Variants in TARS2 observed in about 807,000 individuals in gnomAD.
The protein encoded by TARS2 is threonyl-tRNA synthetase 2, mitochondrial.
TARS2 carries 61 observed loss-of-function variants against 94.4 expected under a neutral mutation model. That is an observed-to-expected ratio of 0.65 (90% confidence interval 0.53 to 0.80). The LOEUF (loss-of-function observed/expected upper bound fraction) is 0.80, where lower values mean the gene tolerates loss of function less well. Among genes scored for constraint, TARS2 ranks in the 30% least tolerant of loss-of-function variants. The pLI, the probability that TARS2 is intolerant of heterozygous loss-of-function variation, is 0.00. For synonymous variants in TARS2, 359 were observed against 353.4 expected, an observed-to-expected ratio of 1.02 and a Z score of -0.18; for missense variants, 704 against 902.5, an observed-to-expected ratio of 0.78 and a Z score of 2.82.
Position 150,504,614 on chromosome 1 carries a change from C to CG in TARS2, c.1719-18_1719-17insG. The CG allele has an allele frequency of 6.2e-7, 1 of 1,612,448 alleles. No homozygotes were observed. Among genetic ancestry groups the CG allele is most frequent in the Non-Finnish European group, 8.5e-7 (1 of 1,178,730 alleles). ...ATACTTCCACCATTCCATCCACCCC[C>CG]CCCTTTTTCCTTTCAAGGCAGGCGG... On this transcript the variant is annotated splice_polypyrimidine_tract_variant and intron_variant, in intron 14 of 17. Transcript: ENST00000369064.
In TARS2 at chr1:150,505,606, C is replaced by T. The variant is rs774442847; in HGVS notation, c.1909C>T (p.Arg637Trp). ...EYAKEAQQSL[R>W]AAGLVSDLDA... is the part of the protein sequence containing the mutation. ...TCTGTTGCAGGCACAGCAGAGCCTGCGGGCTGCAGGACTGGTCAGTGACCT... is the reference window on the plus strand; with the variant it reads ...TCTGTTGCAGGCACAGCAGAGCCTGTGGGCTGCAGGACTGGTCAGTGACCT... The change falls in exon 17 of 18, where the codon CGG becomes TGG. Residue 637 changes from arginine to tryptophan, a missense_variant. Arg to Trp is a moderately radical substitution (Grantham distance 101). Coordinates refer to ENST00000369064, the MANE Select transcript of TARS2 (RefSeq NM_025150.5). The T allele has an allele frequency of 1.2e-5, 20 of 1,613,880 alleles. No homozygotes were observed. In the African/African-American group the frequency reaches 1.7e-4, roughly 14 times the overall value.
chr1:150,499,404 C>T (rs1669813297), intron 13 of TARS2, 111 bp downstream of exon 13: 1 of 1,024,682 alleles, frequency 9.8e-7, no homozygotes, highest in Non-Finnish European at 1.4e-6. Flanking sequence ...CACTCTGTCA[C>T]CCAGGCTAAA....
chr1:150,497,715 C>A lies in TARS2; in HGVS notation c.1206C>A (p.Leu402=). ...DDSTRHITDT[L]ALKPMNCPAH... ...CTACCAGGCATATCACAGATACACT[C>A]GCCCTCAAGCCTATGAACTGCCCTG... Residue 402 remains leucine, a synonymous_variant, in exon 10 of 18, where the codon CTC becomes CTA. Transcript: ENST00000369064. 2 of 1,614,042 alleles carry A rather than the reference C, an allele frequency of 1.2e-6. No individual in the cohort carries two copies. The highest frequency in any genetic ancestry group is 1.7e-6 in the Non-Finnish European group (2 of 1,179,998).
Position 150,488,961 on chromosome 1 carries a change from A to T in TARS2, c.264-3A>T. ...TCTTCATCCCCACCTTCCACTGCTG[A>T]AGTTCAACACTGGCAGATACTGCAG... On this transcript the variant is annotated splice_region_variant and splice_polypyrimidine_tract_variant and intron_variant, in intron 2 of 17. Transcript: ENST00000369064. The T allele has an allele frequency of 6.2e-7, 1 of 1,611,418 alleles. No homozygotes were observed. The highest frequency in any genetic ancestry group is 8.5e-7 in the Non-Finnish European group (1 of 1,178,514).
chr1:150,504,830 A>G (rs1670128410), intron 15 of TARS2, 76 bp from the exon 16 acceptor site: 1 of 1,608,308 alleles, frequency 6.2e-7, no homozygotes. Context: ...TTCCTTCTCA[A>G]GTCTGCTCCA....
chr1:150,500,772 C>T (rs187086177), intron 13 of TARS2, among the ~76,000 whole-genome samples: 152 of 151,992 alleles, frequency 1.0e-3, no homozygotes, highest in African/African-American at 3.3e-3. Context: ...TGCAGTGAGC[C>T]GAGGTCGCAC....
chr1:150,490,357 G>T (rs113197368), intron 3 of TARS2, among the ~76,000 whole-genome samples: 1 of 151,962 alleles, frequency 6.6e-6, no homozygotes, highest in Admixed American at 6.6e-5. Flanking sequence ...GACCTCAGAT[G>T]ATCCGCCTGC....
intron 9 of TARS2, 82 bp downstream of exon 9, chr1:150,496,990 A>T: frequency 7.1e-7 from 1 of 1,409,294 alleles, no homozygotes; most frequent in Non-Finnish European, 9.9e-7. Flanking sequence ...GTGTTAAAAG[A>T]TGGGGGTTGG....
chr1:150,499,336 TG>T, intron 13 of TARS2, 43 bp downstream of exon 13: 1 of 1,586,212 alleles, frequency 6.3e-7, no homozygotes, highest in Non-Finnish European at 8.6e-7. Flanking sequence ...ATTTATTTTT[TG>T]CTTTGTTTTA....
chr1:150,492,524 A>G (rs1424811888), intron 7 of TARS2, 35 bp downstream of exon 7: 3 of 1,608,040 alleles, frequency 1.9e-6, no homozygotes, highest in African/African-American at 2.7e-5. Context: ...TAAGATTCCT[A>G]TTTTGAGCCG....
At chr1:150,492,048 C>T in intron 6 of TARS2, 1 of 266,682 alleles carries the variant, frequency 3.7e-6, no homozygotes, top group Non-Finnish European at 7.2e-6. Context: ...CTCACTGCAT[C>T]TCTGCCTCCC....
At position 150,496,581 on chromosome 1, in the gene TARS2, G is replaced by A. The variant is rs1207070929; in HGVS notation, c.874G>A (p.Ala292Thr). 6.2e-7 allele frequency: 1 copy of A among 1,614,034 alleles called. No homozygotes were observed. The highest frequency in any genetic ancestry group is 8.5e-7 in the Non-Finnish European group (1 of 1,180,042). The change falls in exon 8 of 18, where the codon GCA (alanine) becomes ACA (threonine). Residue 292 changes from alanine (A) to threonine (T), a missense_variant. By Grantham distance (58) the Ala-to-Thr change is moderately conservative. Coordinates refer to ENST00000369064, the MANE Select transcript of TARS2 (RefSeq NM_025150.5). ...PTTELLRVWE[A>T]WREEAELRDH... ...AACAGAATTGCTGAGGGTCTGGGAAGCATGGAGGGAGGAAGCAGAATTGCG... is the reference window on the plus strand; with the variant it reads ...AACAGAATTGCTGAGGGTCTGGGAAACATGGAGGGAGGAAGCAGAATTGCG...
At chr1:150,504,469 A>G in intron 14 of TARS2, 34 bp downstream of exon 14, 2 of 1,608,170 alleles carry the variant, frequency 1.2e-6, no homozygotes, top group Non-Finnish European at 1.7e-6. Flanking sequence ...TTTTCCCTTG[A>G]CAGTGCATGG....
intron 5 of TARS2, 40 bp downstream of exon 5, chr1:150,491,551 T>C: frequency 6.2e-7 from 1 of 1,614,156 alleles, no homozygotes. Context: ...AGGACATCTT[T>C]GTGGGAATAA....
chr1:150,494,627 T>C (rs748282754), intron 7 of TARS2, among the ~76,000 whole-genome samples: 2 of 150,940 alleles, frequency 1.3e-5, no homozygotes, highest in Non-Finnish European at 3.0e-5. Context: ...TAGTCCCAGC[T>C]ACTCGGGAGG....
chr1:150,499,300 T>G lies in TARS2; in HGVS notation c.1617+7T>G. On this transcript the variant is annotated splice_region_variant and intron_variant, in intron 13 of 17. Coordinates refer to ENST00000369064, the MANE Select transcript of TARS2 (RefSeq NM_025150.5). ...TGCCTTCTATGGACCTAAGGTAAGC[T>G]TGGGACCCTGGTTAGTGTTGTATTT... The G allele has an allele frequency of 6.2e-7, 1 of 1,613,980 alleles. No homozygotes were observed. Among genetic ancestry groups the G allele is most frequent in the Non-Finnish European group, 8.5e-7 (1 of 1,179,932 alleles).
chr1:150,488,294 CG>C (rs1437572050), intron 2 of TARS2: 2 of 433,888 alleles, frequency 4.6e-6, no homozygotes, highest in Non-Finnish European at 8.2e-6. Flanking sequence ...CTCAGCCTCC[CG>C]AAGTGCTGGG....
intron 7 of TARS2, among the ~76,000 whole-genome samples, chr1:150,493,813 G>A (rs1314121592): frequency 6.6e-6 from 1 of 151,796 alleles, no homozygotes; most frequent in Non-Finnish European, 1.5e-5. Context: ...TAGATGGAAT[G>A]GGATGAGTTA....
At chr1:150,501,882 CTTTT>C (rs145791174) in intron 13 of TARS2, among the ~76,000 whole-genome samples, 1,716 of 151,706 alleles carry the variant, frequency 0.011, 112 homozygotes, top group Admixed American at 0.1. Context: ...TAGCTAAAAT[CTTTT>C]TTTTGTTTGT....
Sources: gnomAD v4.1 joint callset for allele counts (sites outside exome capture counted in the v4.1 genomes callset) on GRCh38, gnomAD v4.1.1 for gene constraint, MANE v1.5 for transcripts, NCBI Gene and HGNC (gene_info 2026-07-23, HGNC 2026-07-21) for gene names.